TBC1D8: variants seen among roughly 807,000 people sequenced by gnomAD.
TBC1D8 encodes TBC1 domain family member 8, also known as BUB2-like protein 1.
A neutral mutation model predicts 118.8 loss-of-function variants in TBC1D8; 65 were observed. That is an observed-to-expected ratio of 0.55 (90% CI 0.45 to 0.67). TBC1D8 has a LOEUF of 0.67. TBC1D8 is among the 30% of genes least tolerant of loss of function. The pLI, the probability that TBC1D8 is intolerant of heterozygous loss-of-function variation, is 0.00. For missense variants in TBC1D8, 1,376 were observed against 1,471.2 expected, an observed-to-expected ratio of 0.94 and a Z score of 1.06; for synonymous variants, 566 against 595.8, an observed-to-expected ratio of 0.95 and a Z score of 0.73.
chr2:101,136,965 A>G (rs1467054797), intron 1 of TBC1D8, among the ~76,000 whole-genome samples: 1 of 152,020 alleles, frequency 6.6e-6, no homozygotes, highest in East Asian at 1.9e-4. Context: ...GTTTCTGTCA[A>G]GCAAACACTG....
At chr2:101,116,239 G>A (rs1677812851) in intron 1 of TBC1D8, among the ~76,000 whole-genome samples, 1 of 152,156 alleles carries the variant, frequency 6.6e-6, no homozygotes, top group Non-Finnish European at 1.5e-5. Flanking sequence ...AGGGCCCTGA[G>A]AATGCCCAAA....
At chr2:101,129,933 G>A (rs1259720254) in intron 1 of TBC1D8, among the ~76,000 whole-genome samples, 2 of 151,572 alleles carry the variant, frequency 1.3e-5, no homozygotes, top group Non-Finnish European at 2.9e-5. Context: ...GAAAAAGAAA[G>A]GGCTAGCCCG....
chr2:101,027,203 G>A (rs1320711588), intron 15 of TBC1D8, among the ~76,000 whole-genome samples, 180 bp downstream of exon 15: 1 of 152,150 alleles, frequency 6.6e-6, no homozygotes, highest in African/African-American at 2.4e-5. Context: ...GTGGAGGGTG[G>A]GGAGAGAGGT....
rs1681089542 is a variant in TBC1D8, at chr2:101,037,529, C to T, written c.1452+3G>A. 12 of 1,611,648 alleles carry T rather than the reference C, an allele frequency of 7.4e-6. No homozygotes were observed. The highest frequency in any genetic ancestry group is 9.3e-6 in the Non-Finnish European group (11 of 1,179,640). On this transcript the variant is annotated splice_donor_region_variant and intron_variant, in intron 8 of 19. Transcript: ENST00000409318. The stretch of plus-strand genomic sequence containing the variant: ...TCCAGCTTGGGCACCAGGCGTCACC[C>T]ACCATTCGGGAGTCAGGGCTCTGGC...
chr2:101,133,348 C>T (rs1001916504), intron 1 of TBC1D8, among the ~76,000 whole-genome samples: 6 of 152,082 alleles, frequency 3.9e-5, no homozygotes, highest in African/African-American at 1.2e-4. Context: ...GTCCATTTGC[C>T]ATTCAAGTCT....
At chr2:101,092,860 C>G (rs1676131184) in intron 1 of TBC1D8, among the ~76,000 whole-genome samples, 1 of 152,196 alleles carries the variant, frequency 6.6e-6, no homozygotes, top group South Asian at 2.1e-4. Flanking sequence ...CTCCAGGTCC[C>G]CTCAGTGTAC....
rs534282228 is a variant in TBC1D8, at chr2:101,039,852, G to A, written c.1080+326C>T. 2.0e-5 allele frequency among the ~76,000 whole-genome samples: 3 copies of A among 151,770 alleles called. No individual in the cohort carries two copies. The East Asian group carries it at 5.8e-4, about 29-fold the overall frequency. Reference sequence around the variant, plus strand: ...AGGGGAGGATTCATTCCTAGGAGCTGCTGGAAAAATCTTTAATTGCTAGGT... The same window carrying A: ...AGGGGAGGATTCATTCCTAGGAGCTACTGGAAAAATCTTTAATTGCTAGGT... On this transcript the variant is annotated intron_variant, in intron 6 of 19. Coordinates refer to ENST00000409318, the MANE Select transcript of TBC1D8 (RefSeq NM_001330348.2).
Position 101,032,252 on chromosome 2 carries a change from A to C in TBC1D8, c.1936+16T>G, listed in dbSNP as rs770637222. The C allele has an allele frequency of 1.2e-6, 2 of 1,609,858 alleles. No homozygotes were observed. Among genetic ancestry groups the C allele is most frequent in the Non-Finnish European group, 1.7e-6 (2 of 1,176,598 alleles). ...TCTTCCCCAGATACACAGGAGGAGG[A>C]AGGGGGTCTGTTTACCGATCACTCG... On this transcript the variant is annotated intron_variant, in intron 11 of 19. Transcript: ENST00000409318.
intron 17 of TBC1D8, among the ~76,000 whole-genome samples, chr2:101,015,097 C>T (rs1251355046): frequency 6.6e-6 from 1 of 152,190 alleles, no homozygotes; most frequent in Non-Finnish European, 1.5e-5. Context: ...TACTACACAC[C>T]TCGCCTATAA....
intron 2 of TBC1D8, among the ~76,000 whole-genome samples, chr2:101,066,343 G>A (rs547442817): frequency 3.9e-5 from 6 of 152,032 alleles, no homozygotes; most frequent in African/African-American, 1.4e-4. Flanking sequence ...AATGGTAGAA[G>A]AAGGTACAGG....
At position 101,096,796 on chromosome 2, in the gene TBC1D8, GGAGA is replaced by G. The variant is rs139584234; in HGVS notation, c.128-6436_128-6433del. ...CTGAAAAGCAAAGTGAGAGAGAGGGGGAGAGAGAGAGAGAGAGAGAGAGACAGCA... is the reference window on the plus strand; with the variant it reads ...CTGAAAAGCAAAGTGAGAGAGAGGGGGAGAGAGAGAGAGAGAGAGACAGCA... On this transcript the variant is annotated intron_variant, in intron 1 of 19. Coordinates refer to ENST00000409318, the MANE Select transcript of TBC1D8 (RefSeq NM_001330348.2). Among the ~76,000 whole-genome samples, 147 of 146,582 alleles carry G rather than the reference GGAGA, an allele frequency of 1.0e-3. 1 individual carries two copies. The highest frequency in any genetic ancestry group is 3.4e-3 in the African/African-American group (135 of 39,538).
intron 11 of TBC1D8, 152 bp from the exon 12 acceptor site, chr2:101,029,928 A>G: frequency 1.4e-6 from 1 of 730,058 alleles, no homozygotes; most frequent in Non-Finnish European, 2.2e-6. Context: ...TCTGACTTTT[A>G]GACCAAGGTA....
chr2:101,150,890 G>C (rs973988960), intron 1 of TBC1D8, among the ~76,000 whole-genome samples: 2 of 152,148 alleles, frequency 1.3e-5, no homozygotes, highest in African/African-American at 4.8e-5. Flanking sequence ...AGGCGGCGAA[G>C]ACACCTGCCT....
intron 1 of TBC1D8, among the ~76,000 whole-genome samples, chr2:101,104,724 C>G (rs1473168727): frequency 6.6e-6 from 1 of 152,108 alleles, no homozygotes; most frequent in African/African-American, 2.4e-5. Context: ...TATAAAACTT[C>G]TACAACATAG....
chr2:101,038,995 C>T (rs577332197), intron 6 of TBC1D8, among the ~76,000 whole-genome samples: 1 of 152,282 alleles, frequency 6.6e-6, no homozygotes, highest in African/African-American at 2.4e-5. Flanking sequence ...TATGAATCCA[C>T]TCATATGAGG....
At position 101,054,160 on chromosome 2, in the gene TBC1D8, C is replaced by T. The variant is rs771255315; in HGVS notation, c.579G>A (p.Leu193=). The T allele has an allele frequency of 6.2e-7, 1 of 1,613,682 alleles. No individual in the cohort carries two copies. The highest frequency in any genetic ancestry group is 8.5e-7 in the Non-Finnish European group (1 of 1,179,808). Reference sequence around the variant, plus strand: ...AGCAGAGGTGGTTGATGCTGAGGTACAGCCAGCCCTGGCGGGGCACCCTGC... The same window carrying T: ...AGCAGAGGTGGTTGATGCTGAGGTATAGCCAGCCCTGGCGGGGCACCCTGC... ...WKGRVPRQGW[L]YLSINHLCFY... is the part of the protein sequence containing the mutation. Residue 193 remains leucine, a synonymous_variant, in exon 4 of 20, where the codon CTG becomes CTA. Coordinates refer to ENST00000409318, the MANE Select transcript of TBC1D8 (RefSeq NM_001330348.2).
intron 17 of TBC1D8, among the ~76,000 whole-genome samples, chr2:101,013,827 TTACAG>T (rs1216216665): frequency 4.3e-4 from 65 of 152,236 alleles, no homozygotes; most frequent in Non-Finnish European, 5.0e-4. Flanking sequence ...AGTTGAGACA[TTACAG>T]TAATCATCAA....
chr2:101,093,374 C>G (rs540870873), intron 1 of TBC1D8, among the ~76,000 whole-genome samples: 1 of 152,158 alleles, frequency 6.6e-6, no homozygotes, highest in African/African-American at 2.4e-5. Context: ...CATACACACA[C>G]ACATATACAT....
chr2:101,078,809 G>C (rs1281353256), intron 2 of TBC1D8, among the ~76,000 whole-genome samples: 1 of 148,912 alleles, frequency 6.7e-6, no homozygotes, highest in Non-Finnish European at 1.5e-5. Context: ...CTACCTATGA[G>C]GAAAATATAA....
Sources: gnomAD v4.1 joint callset for allele counts (sites outside exome capture counted in the v4.1 genomes callset) on GRCh38, gnomAD v4.1.1 for gene constraint, MANE v1.5 for transcripts, NCBI Gene and HGNC (gene_info 2026-07-23, HGNC 2026-07-21) for gene names.